Variants in RAP1GAP observed in about 807,000 individuals in gnomAD.
RAP1GAP encodes the protein rap1 GTPase-activating protein 1.
A neutral mutation model predicts 87.2 loss-of-function variants in RAP1GAP; 35 were observed. That is an observed-to-expected ratio of 0.40 (90% CI 0.31 to 0.53). The LOEUF (loss-of-function observed/expected upper bound fraction) is 0.53, where lower values mean the gene tolerates loss of function less well. Ranked by LOEUF, RAP1GAP falls within the 20% of genes least tolerant of loss-of-function variation. RAP1GAP has a pLI of 0.48. For synonymous variants in RAP1GAP, 375 were observed against 363.9 expected, an observed-to-expected ratio of 1.03 and a Z score of -0.35; for missense variants, 734 against 898.9, an observed-to-expected ratio of 0.82 and a Z score of 2.35.
At chr1:21,626,894 C>G in intron 2 of RAP1GAP, 1 of 456,818 alleles carries the variant, frequency 2.2e-6, no homozygotes, top group Non-Finnish European at 4.4e-6. Flanking sequence ...AGCCCTCGTT[C>G]TAGGCCCGAG....
chr1:21,618,064 G>C (rs1309782895), intron 5 of RAP1GAP, 92 bp from the exon 6 acceptor site: 2 of 1,491,142 alleles, frequency 1.3e-6, no homozygotes, highest in East Asian at 4.5e-5. Context: ...TCAGGGCTGA[G>C]AGTGCGGATG....
At chr1:21,618,054 T>A in intron 5 of RAP1GAP, 82 bp from the exon 6 acceptor site, 1 of 1,565,726 alleles carries the variant, frequency 6.4e-7, no homozygotes, top group Non-Finnish European at 8.8e-7. Context: ...TTGGCCAGCC[T>A]CAGGGCTGAG....
rs925351880 is a variant in RAP1GAP at position 21,617,192 on chromosome 1, T to G, written c.291+114A>C. The G allele has an allele frequency of 4.0e-6, 5 of 1,237,968 alleles. No homozygotes were observed. In the Admixed American group the frequency reaches 8.8e-5, roughly 22 times the overall value. The allele number at this position is 1,237,968 out of a possible 1,614,324, so 76.7% of individuals were successfully genotyped here. On this transcript the variant is annotated intron_variant, in intron 7 of 24. Coordinates refer to ENST00000374765, the MANE Select transcript of RAP1GAP (RefSeq NM_002885.4). ...GTGGGAGCACATTCACTCAGGGCTC[T>G]AGGACTGTCACCCAGCCCTGGCCCA...
At chr1:21,647,482 C>T (rs745999296) in intron 2 of RAP1GAP, among the ~76,000 whole-genome samples, 25 of 152,220 alleles carry the variant, frequency 1.6e-4, no homozygotes, top group Non-Finnish European at 3.4e-4. Context: ...CAAAAAGCGA[C>T]CAAGCACCTC....
At chr1:21,602,724 C>T in intron 19 of RAP1GAP, 80 bp downstream of exon 19, 4 of 1,296,770 alleles carry the variant, frequency 3.1e-6, no homozygotes, top group Non-Finnish European at 4.3e-6. Flanking sequence ...GCACTCCCTT[C>T]TGCCTGCCTT....
chr1:21,657,304 T>C (rs1024798900), intron 1 of RAP1GAP, among the ~76,000 whole-genome samples: 1 of 152,244 alleles, frequency 6.6e-6, no homozygotes, highest in Non-Finnish European at 1.5e-5. Flanking sequence ...TGACTCCGGC[T>C]GCGTTAGTAC....
chr1:21,659,200 C>T (rs1197696854), intron 1 of RAP1GAP, among the ~76,000 whole-genome samples: 3 of 152,090 alleles, frequency 2.0e-5, no homozygotes, highest in Admixed American at 6.5e-5. Context: ...CCACAGTGCC[C>T]GGCCGAAGAA....
At chr1:21,642,926 CCCA>C (rs2095659421) in intron 2 of RAP1GAP, among the ~76,000 whole-genome samples, 1 of 145,718 alleles carries the variant, frequency 6.9e-6, no homozygotes, top group Non-Finnish European at 1.5e-5. Flanking sequence ...TGCCACTTGG[CCCA>C]CTTCAACTTT....
chr1:21,657,692 C>T (rs1458156939), intron 1 of RAP1GAP, among the ~76,000 whole-genome samples: 1 of 152,232 alleles, frequency 6.6e-6, no homozygotes, highest in Admixed American at 6.5e-5. Context: ...GCTTGAGGCC[C>T]AGAGCTCCCC....
chr1:21,642,914 A>T (rs920978360), intron 2 of RAP1GAP, among the ~76,000 whole-genome samples: 1 of 149,244 alleles, frequency 6.7e-6, no homozygotes, highest in African/African-American at 2.5e-5. Context: ...ACACACACAC[A>T]CTGCCACTTG....
chr1:21,648,337 C>G (rs1233614498), intron 2 of RAP1GAP, among the ~76,000 whole-genome samples: 2 of 152,196 alleles, frequency 1.3e-5, no homozygotes, highest in Non-Finnish European at 2.9e-5. Context: ...AGTCTTCCCT[C>G]AAGCGCATCC....
At chr1:21,663,121 G>A (rs575529351) in intron 1 of RAP1GAP, among the ~76,000 whole-genome samples, 1 of 152,324 alleles carries the variant, frequency 6.6e-6, no homozygotes, top group Non-Finnish European at 1.5e-5. Context: ...CACCTCTCCA[G>A]CCAGGGAGGG....
At chr1:21,611,893 G>A in intron 11 of RAP1GAP, 77 bp from the exon 12 acceptor site, 2 of 1,515,286 alleles carry the variant, frequency 1.3e-6, no homozygotes, top group Non-Finnish European at 9.2e-7. Flanking sequence ...TGGACCCAGA[G>A]AGGGCCGGAG....
chr1:21,662,207 A>G (rs2152356569), intron 1 of RAP1GAP, among the ~76,000 whole-genome samples: 1 of 152,302 alleles, frequency 6.6e-6, no homozygotes, highest in East Asian at 1.9e-4. Flanking sequence ...TGCCTCTATG[A>G]ACCTCAGTTT....
intron 20 of RAP1GAP, among the ~76,000 whole-genome samples, chr1:21,600,717 TC>T (rs1372808724): frequency 6.6e-6 from 1 of 151,532 alleles, no homozygotes; most frequent in Admixed American, 6.6e-5. Context: ...AAACCCCGTA[TC>T]TACTAAAAAT....
At position 21,653,580 on chromosome 1, in the gene RAP1GAP, C is replaced by CTTCCTTCT. The variant is rs1553496403; in HGVS notation, c.-148-3785_-148-3784insAGAAGGAA. 3.7e-3 allele frequency among the ~76,000 whole-genome samples: 453 copies of CTTCCTTCT among 122,068 alleles called. 8 individuals are homozygous for CTTCCTTCT. Among genetic ancestry groups the CTTCCTTCT allele is most frequent in the African/African-American group, 7.2e-3 (249 of 34,808 alleles). 80.1% of individuals were successfully genotyped at this position (122,068 alleles called of 152,430 possible). On this transcript the variant is annotated intron_variant, in intron 1 of 24. Coordinates refer to ENST00000374765, the MANE Select transcript of RAP1GAP (RefSeq NM_002885.4). Reference sequence around the variant, plus strand: ...CCTTCCTTCCTTCCTTCCTTCCTTCCTTCCTTCCTTCCTCCCTCCCTCCCT... The same window carrying CTTCCTTCT: ...CCTTCCTTCCTTCCTTCCTTCCTTCCTTCCTTCTTTCCTTCCTTCCTCCCTCCCTCCCT...
chr1:21,613,059 G>A lies in RAP1GAP; in HGVS notation c.528+117C>T. On this transcript the variant is annotated intron_variant, in intron 10 of 24. Transcript: ENST00000374765. The surrounding 1 kb of genome is among the most constrained non-coding windows in gnomAD (Gnocchi z 4.7). ...ATTGTGGACTTCACAGGGTTATTGT[G>A]AGGATTAAATGAGAGAACCTTGGGA... The A allele has an allele frequency of 8.8e-7, 1 of 1,141,044 alleles. No individual in the cohort carries two copies. The highest frequency in any genetic ancestry group is 1.3e-6 in the Non-Finnish European group (1 of 769,234). 70.7% of individuals were successfully genotyped at this position (1,141,044 alleles called of 1,614,324 possible).
chr1:21,611,853 C>T, intron 11 of RAP1GAP, 37 bp from the exon 12 acceptor site: 1 of 1,567,426 alleles, frequency 6.4e-7, no homozygotes. Flanking sequence ...AGCTGGAGTT[C>T]CTGAGAAGCC....
intron 2 of RAP1GAP, among the ~76,000 whole-genome samples, chr1:21,637,972 C>CAA (rs35411110): frequency 0.36 from 25,240 of 69,734 alleles, 4,447 homozygotes; most frequent in East Asian, 0.78. Context: ...CCATCTCTAC[C>CAA]AAAAAAAAAA....
Sources: gnomAD v4.1 joint callset for allele counts (sites outside exome capture counted in the v4.1 genomes callset) on GRCh38, gnomAD v4.1.1 for gene constraint, Gnocchi (gnomAD v3.1) non-coding constraint, MANE v1.5 for transcripts, NCBI Gene and HGNC (gene_info 2026-07-23, HGNC 2026-07-21) for gene names.